Variants in CAND2 observed in about 807,000 individuals in gnomAD.
CAND2 encodes cullin-associated NEDD8-dissociated protein 2.
CAND2 carries 62 observed loss-of-function variants against 98.9 expected under a neutral mutation model. The observed-to-expected ratio is 0.63, with a 90% CI of 0.51 to 0.77. CAND2 has a LOEUF of 0.77. CAND2 is among the 30% of genes least tolerant of loss of function. The pLI is 0.00. For synonymous variants in CAND2, 770 were observed against 731.9 expected (o/e 1.05, Z -0.84); for missense variants, 1,501 against 1,655.2 (o/e 0.91, Z 1.62).
chr3:12,809,901 A>G, intron 4 of CAND2, 158 bp from the exon 5 acceptor site: 2 of 780,620 alleles, frequency 2.6e-6, no homozygotes, highest in Non-Finnish European at 3.7e-6. Flanking sequence ...AGTAATTAAA[A>G]TAATTCCTCC....
At position 12,808,215 on chromosome 3, in the gene CAND2, G is replaced by A. The variant is rs1041959577; in HGVS notation, c.373G>A (p.Gly125Arg). 7.7e-6 allele frequency: 12 copies of A among 1,550,862 alleles called. No homozygotes were observed. The highest frequency in any genetic ancestry group is 2.7e-5 in the African/African-American group (2 of 73,040). The change falls in exon 4 of 15, where the codon GGG becomes AGG. Residue 125 changes from glycine to arginine, a missense_variant. Physicochemically the swap from Gly to Arg is moderately radical, Grantham distance 125 (BLOSUM62 -2). Around this residue, in one of 3 missense-constraint regions of CAND2, gnomAD observed 1,427 missense variants for 1,545.3 expected, o/e 0.92. Transcript: ENST00000456430. ...CCACCTTGTGCCCTGTGCAGGCTCCGGGCTGGCCACCAACGTGTGCCGGAA... is the reference window on the plus strand; with the variant it reads ...CCACCTTGTGCCCTGTGCAGGCTCCAGGCTGGCCACCAACGTGTGCCGGAA... Reference protein sequence around the residue: ...SELPPAATGSGLATNVCRKIT... With the variant: ...SELPPAATGSRLATNVCRKIT...
rs575951012 is a variant in CAND2, at chr3:12,830,794, A to T, written c.3376-671A>T. On this transcript the variant is annotated intron_variant, in intron 13 of 14. Coordinates refer to ENST00000456430, the MANE Select transcript of CAND2 (RefSeq NM_001162499.2). ...GAGTAGCCAAGAGTCATAGCTCCTG[A>T]AGTCCAGCACCGCTGCTCCTTGCTG... Among the ~76,000 whole-genome samples the T allele has an allele frequency of 1.2e-4, 18 of 152,296 alleles. No individual in the cohort carries two copies. In the East Asian group the frequency reaches 3.3e-3, roughly 28 times the overall value.
intron 14 of CAND2, among the ~76,000 whole-genome samples, chr3:12,832,883 T>G: frequency 6.6e-6 from 1 of 152,240 alleles, no homozygotes; most frequent in South Asian, 2.1e-4. Context: ...TGCACAGTAT[T>G]ACCTTTCTAA....
chr3:12,799,546 T>C (rs191614601), intron 1 of CAND2, among the ~76,000 whole-genome samples: 5 of 151,854 alleles, frequency 3.3e-5, no homozygotes, highest in Admixed American at 6.6e-5. Context: ...TTCAGAAGAG[T>C]TGGTTTCTGA....
chr3:12,809,218 C>T (rs2061830684), intron 4 of CAND2, among the ~76,000 whole-genome samples: 2 of 151,960 alleles, frequency 1.3e-5, no homozygotes, highest in African/African-American at 4.8e-5. Context: ...CTCCGGGAGC[C>T]AGCAGCAGGT....
In CAND2 at chr3:12,815,484, C is replaced by T; in HGVS notation, c.1299+51C>T. On this transcript the variant is annotated intron_variant, in intron 8 of 14. Transcript: ENST00000456430. The surrounding 1 kb of genome is among the most constrained non-coding windows in gnomAD (Gnocchi z 5.7). ...TACCCCCGATTTGCCTACCCAGCCA[C>T]TCACTGTTAGTGTCCCTGGACTTGG... is the stretch of plus-strand genomic sequence containing the variant. 1 of 1,536,488 alleles carries T rather than the reference C, an allele frequency of 6.5e-7. No individual in the cohort carries two copies. Among genetic ancestry groups the T allele is most frequent in the South Asian group, 1.2e-5 (1 of 83,190 alleles).
chr3:12,823,988 A>G (rs1309443740), intron 11 of CAND2, among the ~76,000 whole-genome samples: 6 of 152,278 alleles, frequency 3.9e-5, no homozygotes, highest in Non-Finnish European at 7.4e-5. Flanking sequence ...TTAAGTATAT[A>G]AAACATTAAC....
intron 1 of CAND2, among the ~76,000 whole-genome samples, chr3:12,797,631 A>G (rs1256786336): frequency 6.6e-6 from 1 of 152,158 alleles, no homozygotes; most frequent in African/African-American, 2.4e-5. Flanking sequence ...AGGAAAAGGG[A>G]TTGGCCCGTG....
chr3:12,804,062 A>G (rs1035155414), intron 2 of CAND2, among the ~76,000 whole-genome samples: 4 of 152,146 alleles, frequency 2.6e-5, no homozygotes, highest in Non-Finnish European at 4.4e-5. Flanking sequence ...CTTCTGGGGT[A>G]GGATGGAGGG....
chr3:12,817,255 G>A lies in CAND2; in HGVS notation c.2323G>A (p.Ala775Thr). 2 of 1,613,920 alleles carry A rather than the reference G, an allele frequency of 1.2e-6. No individual in the cohort carries two copies. The highest frequency in any genetic ancestry group is 1.7e-6 in the Non-Finnish European group (2 of 1,180,040). The change falls in exon 10 of 15, where the codon GCC (alanine) becomes ACC (threonine). Residue 775 changes from alanine to threonine, a missense_variant. Around this residue, in one of 3 missense-constraint regions of CAND2, gnomAD observed 1,427 missense variants for 1,545.3 expected, o/e 0.92. Transcript: ENST00000456430. Reference protein sequence around the residue: ...VGTRPPCVDYAKLISLLTAPV... With the variant: ...VGTRPPCVDYTKLISLLTAPV... ...GACCCGTCCCCCGTGTGTGGACTAT[G>A]CCAAACTCATCAGCCTGCTCACTGC...
At position 12,810,335 on chromosome 3, in the gene CAND2, A is replaced by AG; in HGVS notation, c.757+16dup. On this transcript the variant is annotated intron_variant, in intron 5 of 14. Transcript: ENST00000456430. ...CCGGCCACCGCCTCGGTAAGGGGGC[A>AG]GGGGGCGGGGCCTGGGCTGGCATGG... 7.0e-7 allele frequency: 1 copy of AG among 1,436,378 alleles called. No homozygotes were observed. 89.0% of individuals were successfully genotyped at this position (1,436,378 alleles called of 1,614,324 possible).
intron 7 of CAND2, 27 bp downstream of exon 7, chr3:12,813,415 T>TG (rs1167279346): frequency 3.1e-6 from 5 of 1,603,370 alleles, no homozygotes; most frequent in South Asian, 1.1e-5. Flanking sequence ...TCATTGGGGT[T>TG]GGAGGGTGGA....
intron 13 of CAND2, among the ~76,000 whole-genome samples, chr3:12,829,429 G>A (rs2062032738): frequency 6.6e-6 from 1 of 152,234 alleles, no homozygotes. Context: ...TTACAGGCAT[G>A]AGCCACCACG....
chr3:12,826,921 C>G (rs2062006327), intron 12 of CAND2, among the ~76,000 whole-genome samples: 1 of 151,094 alleles, frequency 6.6e-6, no homozygotes, highest in South Asian at 2.1e-4. Context: ...ACCTCCACCT[C>G]CCTGGTTCAA....
At chr3:12,813,209 C>T in intron 6 of CAND2, 37 bp from the exon 7 acceptor site, 1 of 1,608,804 alleles carries the variant, frequency 6.2e-7, no homozygotes, top group Non-Finnish European at 8.5e-7. Context: ...CCTGTCCTGG[C>T]TGGATCCAGC....
chr3:12,813,180 T>A (rs970682078), intron 6 of CAND2, 66 bp from the exon 7 acceptor site: 5 of 1,595,528 alleles, frequency 3.1e-6, no homozygotes, highest in Non-Finnish European at 4.3e-6. Flanking sequence ...AGGACTCCCA[T>A]TGGGCCCTGT....
chr3:12,828,690 C>T lies in CAND2; in HGVS notation c.3375+1086C>T, dbSNP rs2062025552. On this transcript the variant is annotated intron_variant, in intron 13 of 14. Transcript: ENST00000456430. ...ACAGCACAGTGGCAGTAAGCACATT[C>T]ACATTGCGGTGCAGCCGTCACCACT... is the stretch of plus-strand genomic sequence containing the variant. 1.3e-5 allele frequency among the ~76,000 whole-genome samples: 2 copies of T among 152,166 alleles called. 1 individual carries two copies. Among genetic ancestry groups the T allele is most frequent in the South Asian group, 4.1e-4 (2 of 4,830 alleles).
chr3:12,827,635 GC>G, intron 13 of CAND2, 31 bp downstream of exon 13: 1 of 1,574,280 alleles, frequency 6.4e-7, no homozygotes, highest in Non-Finnish European at 8.6e-7. Context: ...AGATCTATGT[GC>G]CCCTGTACCA....
At chr3:12,799,993 C>T (rs755325758) in intron 1 of CAND2, among the ~76,000 whole-genome samples, 14 of 152,198 alleles carry the variant, frequency 9.2e-5, no homozygotes, top group Non-Finnish European at 1.9e-4. Flanking sequence ...CCTGGGTTGC[C>T]AGGCTGAGCT....
Sources: allele counts gnomAD v4.1 joint callset (sites outside exome capture counted in the v4.1 genomes callset), GRCh38; gene constraint gnomAD v4.1.1; regional missense constraint gnomAD v4.1.1; non-coding constraint Gnocchi (gnomAD v3.1); transcripts MANE v1.5; gene names NCBI Gene and HGNC (gene_info 2026-07-23, HGNC 2026-07-21).